The following PFKP variants were observed in gnomAD, a reference collection of about 807,000 sequenced individuals.
The protein encoded by PFKP is phosphofructokinase, platelet, also known as ATP-dependent 6-phosphofructokinase, platelet type.
Under a neutral mutation model 94.3 loss-of-function variants are expected in PFKP, and 101 were observed. The ratio of observed to expected loss-of-function variants is 1.07; its 90% CI spans 0.91 to 1.26. The LOEUF is 1.26. PFKP is among the 50% of genes most tolerant of loss of function. The probability of loss-of-function intolerance (pLI) is 0.00; values close to 1 mark genes in which losing one functional copy is unlikely to be tolerated. For missense variants in PFKP, 1,145 were observed against 1,103.3 expected, an observed-to-expected ratio of 1.04 and a Z score of -0.53; for synonymous variants, 573 against 432.6, an observed-to-expected ratio of 1.32 and a Z score of -4.03.
At chr10:3,108,000 T>A in intron 8 of PFKP, 1 of 1,289,704 alleles carries the variant, frequency 7.8e-7, no homozygotes, top group Non-Finnish European at 1.0e-6. Context: ...TGTGCTTTGT[T>A]ATGGTCAGTT....
chr10:3,093,295 T>G (rs536392536), intron 2 of PFKP, among the ~76,000 whole-genome samples: 20 of 152,270 alleles, frequency 1.3e-4, no homozygotes, highest in Non-Finnish European at 2.8e-4. Context: ...CCACATCCCG[T>G]TCAGTCACAT....
chr10:3,103,737 C>CA, intron 4 of PFKP, 42 bp from the exon 5 acceptor site: 2 of 1,609,114 alleles, frequency 1.2e-6, no homozygotes, highest in Non-Finnish European at 1.7e-6. Context: ...CCGAACGCGC[C>CA]ATGGTTACGG....
intron 14 of PFKP, among the ~76,000 whole-genome samples, chr10:3,117,130 TC>T (rs1372113219): frequency 6.6e-6 from 1 of 152,194 alleles, no homozygotes; most frequent in African/African-American, 2.4e-5. Context: ...GCCTAAAGCC[TC>T]CACTTGGAGG....
At chr10:3,121,825 TTTTTTC>T (rs1462071262) in intron 16 of PFKP, among the ~76,000 whole-genome samples, 12,424 of 44,528 alleles carry the variant, frequency 0.28, 1,323 homozygotes, top group African/African-American at 0.34. Context: ...TTTTTTTTTT[TTTTTTC>T]TTTTTTTGGA....
chr10:3,109,580 G>A (rs1835964092), intron 10 of PFKP, 100 bp downstream of exon 10: 3 of 1,409,442 alleles, frequency 2.1e-6, no homozygotes, highest in East Asian at 2.4e-5. Context: ...GTCGGTGCAC[G>A]ATGCATTACA....
intron 2 of PFKP, among the ~76,000 whole-genome samples, chr10:3,084,703 GCC>G (rs1833355883): frequency 1.6e-5 from 1 of 63,112 alleles, no homozygotes; most frequent in Non-Finnish European, 3.9e-5. Flanking sequence ...CAGTCCTCCA[GCC>G]CCTCCCCAGG....
chr10:3,124,078 C>T (rs1041748832), intron 16 of PFKP, among the ~76,000 whole-genome samples: 3 of 151,904 alleles, frequency 2.0e-5, no homozygotes, highest in African/African-American at 4.8e-5. Flanking sequence ...CCGAAGCCCT[C>T]GGCCCACACG....
At chr10:3,080,283 T>C (rs948763772) in intron 1 of PFKP, among the ~76,000 whole-genome samples, 2 of 151,938 alleles carry the variant, frequency 1.3e-5, no homozygotes, top group Non-Finnish European at 2.9e-5. Flanking sequence ...TTTGGGAGGC[T>C]GAGGCGGATG....
At chr10:3,124,576 C>T (rs575084414) in intron 16 of PFKP, among the ~76,000 whole-genome samples, 41 of 152,278 alleles carry the variant, frequency 2.7e-4, no homozygotes, top group East Asian at 2.1e-3. Flanking sequence ...TGTGGCCCAC[C>T]GGTAATCCAG....
intron 1 of PFKP, among the ~76,000 whole-genome samples, chr10:3,075,224 GCGTTAGGGC>G (rs1367356729): frequency 1.3e-5 from 2 of 152,120 alleles, no homozygotes; most frequent in Admixed American, 1.3e-4. Context: ...TCCAGCCTGG[GCGTTAGGGC>G]CGTTATGAAC....
intron 1 of PFKP, among the ~76,000 whole-genome samples, chr10:3,074,323 A>G (rs555088481): frequency 6.6e-6 from 1 of 152,326 alleles, no homozygotes; most frequent in East Asian, 1.9e-4. Flanking sequence ...GAAAGGGCCC[A>G]GGGGAACCTC....
At chr10:3,084,555 T>C (rs753975245) in intron 2 of PFKP, among the ~76,000 whole-genome samples, 7 of 152,064 alleles carry the variant, frequency 4.6e-5, no homozygotes, top group Non-Finnish European at 1.0e-4. Flanking sequence ...TCCCAGGCTG[T>C]TGTTTTTATC....
chr10:3,069,962 T>C (rs569872697), intron 1 of PFKP, among the ~76,000 whole-genome samples: 1 of 152,362 alleles, frequency 6.6e-6, no homozygotes, highest in South Asian at 2.1e-4. Flanking sequence ...GGGAAAATGA[T>C]ACTTTGGAAA....
chr10:3,124,142 G>A (rs1223414055), intron 16 of PFKP, among the ~76,000 whole-genome samples: 2 of 152,214 alleles, frequency 1.3e-5, no homozygotes, highest in Admixed American at 6.5e-5. Flanking sequence ...AGCCCAGATC[G>A]CTCACTGTCC....
At chr10:3,121,803 C>CTTTTTTTT (rs759926178) in intron 16 of PFKP, among the ~76,000 whole-genome samples, 698 of 32,526 alleles carry the variant, frequency 0.021, 67 homozygotes, top group Non-Finnish European at 0.031. Flanking sequence ...CTTTTTTTTT[C>CTTTTTTTT]TTTTTTTTTT....
chr10:3,090,753 C>G (rs11592061), intron 2 of PFKP, among the ~76,000 whole-genome samples: 1 of 151,860 alleles, frequency 6.6e-6, no homozygotes. Context: ...CATCGGCGAA[C>G]GTCCTATGGG....
At chr10:3,109,038 C>T (rs1331938116) in intron 9 of PFKP, among the ~76,000 whole-genome samples, 2 of 149,098 alleles carry the variant, frequency 1.3e-5, no homozygotes, top group Non-Finnish European at 3.0e-5. Context: ...ACGACGTGGA[C>T]CCCAGAGGGC....
At chr10:3,113,057 C>T (rs1564322027) in intron 11 of PFKP, 62 bp from the exon 12 acceptor site, 22 of 1,474,478 alleles carry the variant, frequency 1.5e-5, no homozygotes, top group African/African-American at 2.8e-5. Flanking sequence ...CTTTTCTCCA[C>T]ATGAGCCCTG....
intron 10 of PFKP, among the ~76,000 whole-genome samples, chr10:3,111,999 C>T (rs1301800490): frequency 6.6e-6 from 1 of 152,182 alleles, no homozygotes; most frequent in African/African-American, 2.4e-5. Flanking sequence ...CTAAGCAGTC[C>T]CAGGGCTCTG....
Sources: allele counts gnomAD v4.1 joint callset (sites outside exome capture counted in the v4.1 genomes callset), GRCh38; gene constraint gnomAD v4.1.1; transcripts MANE v1.5; gene names NCBI Gene and HGNC (gene_info 2026-07-23, HGNC 2026-07-21).